The following DISC1 variants were observed in gnomAD, a reference collection of about 807,000 sequenced individuals.
The protein encoded by DISC1 is DISC1 scaffold protein.
DISC1 carries 57 observed loss-of-function variants against 84.5 expected under a neutral mutation model. The observed-to-expected ratio is 0.67, with a 90% CI of 0.55 to 0.84. The LOEUF (loss-of-function observed/expected upper bound fraction) is 0.84. Ranked by LOEUF, DISC1 falls within the 40% of genes least tolerant of loss-of-function variation. The pLI, the probability that DISC1 is intolerant of heterozygous loss-of-function variation, is 0.00. For synonymous variants in DISC1, 411 were observed against 415.2 expected (o/e 0.99, Z 0.12); for missense variants, 1,000 against 1,057.8 (o/e 0.95, Z 0.76).
chr1:231,709,906 A>G (rs1314959209), intron 3 of DISC1, among the ~76,000 whole-genome samples: 2 of 152,146 alleles, frequency 1.3e-5, no homozygotes, highest in African/African-American at 4.8e-5. Context: ...TTGCGCTTAG[A>G]AGACTGATTT....
intron 11 of DISC1, among the ~76,000 whole-genome samples, chr1:232,014,494 C>T (rs1668304366): frequency 6.6e-6 from 1 of 152,194 alleles, no homozygotes; most frequent in Non-Finnish European, 1.5e-5. Context: ...TTCCCAAGAG[C>T]AGAGCAGTAG....
intron 1 of DISC1, among the ~76,000 whole-genome samples, chr1:231,686,644 G>A (rs562128348): frequency 5.3e-5 from 8 of 152,194 alleles, no homozygotes; most frequent in Non-Finnish European, 7.4e-5. Context: ...GACATGCCGA[G>A]GAGATGTCTT....
intron 9 of DISC1, among the ~76,000 whole-genome samples, chr1:231,923,185 G>T (rs2090112919): frequency 6.6e-6 from 1 of 151,854 alleles, no homozygotes; most frequent in South Asian, 2.1e-4. Context: ...TACTCTGGAG[G>T]CTGAGGCAGG....
chr1:231,683,110 T>C (rs2063850805), intron 1 of DISC1, among the ~76,000 whole-genome samples: 1 of 152,222 alleles, frequency 6.6e-6, no homozygotes, highest in Admixed American at 6.5e-5. Flanking sequence ...ATATAGACCA[T>C]ACTTTTTCTA....
chr1:231,683,666 C>T (rs1326234253), intron 1 of DISC1, among the ~76,000 whole-genome samples: 3 of 151,642 alleles, frequency 2.0e-5, no homozygotes, highest in East Asian at 3.9e-4. Context: ...TCACTTTTTT[C>T]GCAAGCCCTC....
chr1:231,801,454 G>T (rs1225845878), intron 8 of DISC1, among the ~76,000 whole-genome samples: 4 of 152,238 alleles, frequency 2.6e-5, no homozygotes, highest in African/African-American at 9.6e-5. Context: ...TCTCTCTTCA[G>T]ACTCCAGGGA....
At chr1:231,673,444 C>T (rs1284923125) in intron 1 of DISC1, among the ~76,000 whole-genome samples, 1 of 152,268 alleles carries the variant, frequency 6.6e-6, no homozygotes, top group East Asian at 1.9e-4. Flanking sequence ...GGCTACTCCT[C>T]AGCCTCTTGA....
chr1:231,950,514 G>A lies in DISC1; in HGVS notation c.1982-8314G>A, dbSNP rs577678717. 5.3e-5 allele frequency among the ~76,000 whole-genome samples: 8 copies of A among 152,318 alleles called. No individual in the cohort carries two copies. The East Asian group carries it at 5.8e-4, about 11-fold the overall frequency. ...TAGAAAAAGCATTTGACAAAGGCACGTGAGTGGGAGGCTGTGAAGTGAACC... is the reference window on the plus strand; with the variant it reads ...TAGAAAAAGCATTTGACAAAGGCACATGAGTGGGAGGCTGTGAAGTGAACC... On this transcript the variant is annotated intron_variant, in intron 9 of 12. Coordinates refer to ENST00000439617, the MANE Select transcript of DISC1 (RefSeq NM_018662.3).
At chr1:231,750,206 T>A (rs986320778) in intron 4 of DISC1, 130 bp downstream of exon 4, 2 of 1,457,676 alleles carry the variant, frequency 1.4e-6, no homozygotes, top group Non-Finnish European at 1.8e-6. Context: ...GGGCCCTTTG[T>A]TGGTTGGGAA....
At position 231,698,802 on chromosome 1, in the gene DISC1, C is replaced by A. The variant is rs2066031117; in HGVS notation, c.1048-3153C>A. 2.6e-5 allele frequency among the ~76,000 whole-genome samples: 4 copies of A among 152,192 alleles called. No homozygotes were observed. In the South Asian group the frequency reaches 8.3e-4, roughly 31 times the overall value. Reference sequence around the variant, plus strand: ...CCCTCAAACCATTCACACAGCCTTTCTTCTGTCCCTAATATATAGGACTAA... The same window carrying A: ...CCCTCAAACCATTCACACAGCCTTTATTCTGTCCCTAATATATAGGACTAA... On this transcript the variant is annotated intron_variant, in intron 2 of 12. Coordinates refer to ENST00000439617, the MANE Select transcript of DISC1 (RefSeq NM_018662.3). The surrounding 1 kb of genome is among the most constrained non-coding windows in gnomAD (Gnocchi z 4.9).
chr1:231,692,370 A>G (rs1378785693), intron 1 of DISC1, among the ~76,000 whole-genome samples: 1 of 152,204 alleles, frequency 6.6e-6, no homozygotes, highest in Non-Finnish European at 1.5e-5. Flanking sequence ...TCACTGTGTG[A>G]GCAAGTCTTG....
intron 10 of DISC1, among the ~76,000 whole-genome samples, chr1:232,001,746 C>A (rs1666720475): frequency 6.6e-6 from 1 of 151,668 alleles, no homozygotes; most frequent in African/African-American, 2.4e-5. Context: ...TAAAATGGAT[C>A]AAGGACCTAA....
chr1:231,668,799 T>C (rs1558287528), intron 1 of DISC1, among the ~76,000 whole-genome samples: 1 of 152,196 alleles, frequency 6.6e-6, no homozygotes, highest in Non-Finnish European at 1.5e-5. Flanking sequence ...TGAGACTGGC[T>C]GGTGTTTGGG....
chr1:231,783,030 A>C (rs10495310), intron 6 of DISC1, among the ~76,000 whole-genome samples: 22,409 of 152,152 alleles, frequency 0.15, 1,963 homozygotes, highest in Middle Eastern at 0.23. Context: ...GACATTACTT[A>C]TTAAATAATC....
chr1:231,720,855 G>A (rs2069572966), intron 3 of DISC1: 2 of 1,290,884 alleles, frequency 1.5e-6, no homozygotes, highest in Non-Finnish European at 2.0e-6. Flanking sequence ...CAGGTTTGTT[G>A]GAGGAAGTTG....
chr1:231,969,398 T>G (rs1661600540), intron 10 of DISC1, among the ~76,000 whole-genome samples: 1 of 151,620 alleles, frequency 6.6e-6, no homozygotes, highest in African/African-American at 2.4e-5. Context: ...TGTTCTGGAG[T>G]TTTTGAGATT....
chr1:231,768,821 A>G (rs957684411), intron 5 of DISC1, among the ~76,000 whole-genome samples: 2 of 152,198 alleles, frequency 1.3e-5, no homozygotes, highest in Non-Finnish European at 2.9e-5. Flanking sequence ...GTAGACTAAG[A>G]TGATGTGGAA....
In DISC1 at chr1:231,839,555, G is replaced by A. The variant is rs373857441; in HGVS notation, c.1981+21038G>A. Among the ~76,000 whole-genome samples, 17 of 152,278 alleles carry A rather than the reference G, an allele frequency of 1.1e-4. No individual in the cohort carries two copies. The East Asian group carries it at 1.9e-3, about 17-fold the overall frequency. On this transcript the variant is annotated intron_variant, in intron 9 of 12. Transcript: ENST00000439617. ...CCAGGCTGGGGTTTTCAAGATTTCTGAAAGGTCGTGGCTAGCCATTAAAAT... is the reference window on the plus strand; with the variant it reads ...CCAGGCTGGGGTTTTCAAGATTTCTAAAAGGTCGTGGCTAGCCATTAAAAT...
chr1:231,806,509 G>A (rs2079726226), intron 8 of DISC1, among the ~76,000 whole-genome samples: 1 of 152,212 alleles, frequency 6.6e-6, no homozygotes, highest in South Asian at 2.1e-4. Context: ...GGGCCCTGGA[G>A]GTCTGATCAG....
Sources: allele counts gnomAD v4.1 joint callset (sites outside exome capture counted in the v4.1 genomes callset), GRCh38; gene constraint gnomAD v4.1.1; non-coding constraint Gnocchi (gnomAD v3.1); transcripts MANE v1.5; gene names NCBI Gene and HGNC (gene_info 2026-07-23, HGNC 2026-07-21).